The following CERS3 variants were observed in gnomAD, a reference collection of about 807,000 sequenced individuals.
CERS3 encodes LAG1 homolog, ceramide synthase 3.
In CERS3, 33 loss-of-function variants were observed where a neutral mutation model predicts 50.3. That is an observed-to-expected ratio of 0.66 (90% CI 0.50 to 0.88). The LOEUF (loss-of-function observed/expected upper bound fraction) is 0.88. CERS3 is among the 40% of genes least tolerant of loss of function. The probability of loss-of-function intolerance (pLI) is 0.00; values close to 1 mark genes in which losing one functional copy is unlikely to be tolerated. For missense variants in CERS3, 470 were observed against 460.3 expected, an observed-to-expected ratio of 1.02 and a Z score of -0.19; for synonymous variants, 176 against 155.2, an observed-to-expected ratio of 1.13 and a Z score of -0.99.
rs553139165 is a variant in CERS3, at chr15:100,416,399, G to A, written c.1000-13534C>T. Among the ~76,000 whole-genome samples, 44 of 152,330 alleles carry A rather than the reference G, an allele frequency of 2.9e-4. 1 individual carries two copies. Among genetic ancestry groups the A allele is most frequent in the South Asian group, 2.3e-3 (11 of 4,834 alleles). On this transcript the variant is annotated intron_variant, in intron 11 of 11. Transcript: ENST00000679737. Reference sequence around the variant, plus strand: ...CGATGGGGAGCAGACTCCCTATTCAGTAAACAGTGCTGGGATAGCTGGCAA... The same window carrying A: ...CGATGGGGAGCAGACTCCCTATTCAATAAACAGTGCTGGGATAGCTGGCAA...
intron 11 of CERS3, among the ~76,000 whole-genome samples, chr15:100,416,821 A>G (rs2031949115): frequency 6.6e-6 from 1 of 152,178 alleles, no homozygotes; most frequent in Non-Finnish European, 1.5e-5. Flanking sequence ...CAGAGCCAGG[A>G]TGAATCTGAA....
intron 11 of CERS3, among the ~76,000 whole-genome samples, chr15:100,452,699 A>G (rs887919553): frequency 6.6e-6 from 1 of 152,160 alleles, no homozygotes; most frequent in African/African-American, 2.4e-5. Context: ...ATTACAAAGA[A>G]TCAACAAAAT....
chr15:100,424,415 G>C (rs2032673386), intron 11 of CERS3, among the ~76,000 whole-genome samples: 1 of 152,170 alleles, frequency 6.6e-6, no homozygotes, highest in South Asian at 2.1e-4. Flanking sequence ...GGGAAAGTTT[G>C]GAATTTCCTA....
At chr15:100,413,786 A>C (rs116679846) in intron 11 of CERS3, among the ~76,000 whole-genome samples, 6,552 of 150,532 alleles carry the variant, frequency 0.044, 254 homozygotes, top group African/African-American at 0.097. Flanking sequence ...AAAAAAAAAA[A>C]CCCTTACAGA....
rs1426550498 is a variant in CERS3 at position 100,419,027 on chromosome 15, C to A, written c.1000-16162G>T. On this transcript the variant is annotated intron_variant, in intron 11 of 11. Transcript: ENST00000679737. ...ACTAGGAAGAAACTGCATCAACTAA[C>A]GAGCAAAATCACCAGCTAACATCAT... 1.1e-4 allele frequency among the ~76,000 whole-genome samples: 16 copies of A among 142,290 alleles called. No homozygotes were observed. The East Asian group carries it at 3.1e-3, about 28-fold the overall frequency. 93.3% of individuals were successfully genotyped at this position (142,290 alleles called of 152,430 possible).
intron 11 of CERS3, among the ~76,000 whole-genome samples, chr15:100,404,208 T>C (rs1315564443): frequency 1.3e-5 from 2 of 152,230 alleles, no homozygotes; most frequent in African/African-American, 4.8e-5. Flanking sequence ...TCAAAACTAA[T>C]TATGGACTTC....
At chr15:100,494,146 C>T (rs2035734428) in intron 3 of CERS3, among the ~76,000 whole-genome samples, 1 of 148,084 alleles carries the variant, frequency 6.8e-6, no homozygotes, top group East Asian at 2.0e-4. Flanking sequence ...TTCTCCTCCC[C>T]AAAGTTTGTT....
intron 11 of CERS3, among the ~76,000 whole-genome samples, chr15:100,413,574 G>C (rs1227218458): frequency 6.6e-6 from 1 of 150,654 alleles, no homozygotes; most frequent in Non-Finnish European, 1.5e-5. Flanking sequence ...CTCAATCTTA[G>C]TAATCAGTAA....
chr15:100,419,192 A>C (rs2032206187), intron 11 of CERS3, among the ~76,000 whole-genome samples: 1 of 135,176 alleles, frequency 7.4e-6, no homozygotes, highest in Non-Finnish European at 1.6e-5. Flanking sequence ...AACCCATCTC[A>C]CGTGCAGAGA....
intron 4 of CERS3, among the ~76,000 whole-genome samples, chr15:100,487,038 G>T (rs1203437233): frequency 6.6e-6 from 1 of 152,022 alleles, no homozygotes; most frequent in Non-Finnish European, 1.5e-5. Flanking sequence ...GTCAATACTG[G>T]CCTCATGCAC....
chr15:100,481,359 C>T lies in CERS3; in HGVS notation c.408-1313G>A, dbSNP rs557655627. Among the ~76,000 whole-genome samples, 12 of 152,236 alleles carry T rather than the reference C, an allele frequency of 7.9e-5. No homozygotes were observed. In the South Asian group the frequency reaches 2.5e-3, roughly 32 times the overall value. On this transcript the variant is annotated intron_variant, in intron 5 of 11. Transcript: ENST00000679737. ...AGGGTTCAATAGTCAAAAAGTTGAACCATAAAAATATCCAAAAGACATTTT... is the reference window on the plus strand; with the variant it reads ...AGGGTTCAATAGTCAAAAAGTTGAATCATAAAAATATCCAAAAGACATTTT...
chr15:100,403,523 G>C (rs758989872), intron 11 of CERS3, among the ~76,000 whole-genome samples: 1 of 152,104 alleles, frequency 6.6e-6, no homozygotes, highest in Non-Finnish European at 1.5e-5. Context: ...AAAGAAAAAA[G>C]AGGGAAAGCA....
intron 2 of CERS3, among the ~76,000 whole-genome samples, chr15:100,507,161 A>G (rs549205777): frequency 4.6e-4 from 70 of 152,338 alleles, no homozygotes; most frequent in African/African-American, 1.4e-3. Flanking sequence ...GACTATAACC[A>G]GGTTCAGAGT....
At chr15:100,477,720 C>A (rs2035176161) in intron 7 of CERS3, among the ~76,000 whole-genome samples, 1 of 152,128 alleles carries the variant, frequency 6.6e-6, no homozygotes. Context: ...AGAAGTTAAG[C>A]AGTAGTGACT....
chr15:100,437,058 C>T (rs2033446785), intron 11 of CERS3, among the ~76,000 whole-genome samples: 1 of 151,810 alleles, frequency 6.6e-6, no homozygotes, highest in Admixed American at 6.6e-5. Flanking sequence ...ATTCTCCTGC[C>T]TTGGCCTCCT....
intron 11 of CERS3, among the ~76,000 whole-genome samples, chr15:100,449,465 C>T (rs144561774): frequency 5.9e-5 from 9 of 152,344 alleles, no homozygotes; most frequent in African/African-American, 2.2e-4. Flanking sequence ...ATCAGCCCGC[C>T]TGGAGCTGCT....
chr15:100,418,172 G>A (rs1342799014), intron 11 of CERS3, among the ~76,000 whole-genome samples: 2 of 150,664 alleles, frequency 1.3e-5, no homozygotes, highest in Non-Finnish European at 3.0e-5. Flanking sequence ...CAAAGAAGTT[G>A]AAAACTTTGA....
chr15:100,418,832 A>C (rs2142081919), intron 11 of CERS3, among the ~76,000 whole-genome samples: 1 of 149,992 alleles, frequency 6.7e-6, no homozygotes, highest in African/African-American at 2.4e-5. Flanking sequence ...AGCCAAACTA[A>C]GCTTCATAAG....
chr15:100,531,299 T>C (rs1010987607), upstream of CERS3, among the ~76,000 whole-genome samples: 2 of 152,170 alleles, frequency 1.3e-5, no homozygotes, highest in East Asian at 1.9e-4. Flanking sequence ...ACTGTCAAGG[T>C]GTAATTCTTC....
Sources: allele counts gnomAD v4.1 joint callset (sites outside exome capture counted in the v4.1 genomes callset), GRCh38; gene constraint gnomAD v4.1.1; transcripts MANE v1.5; gene names NCBI Gene and HGNC (gene_info 2026-07-23, HGNC 2026-07-21).